DENND3: variants seen among roughly 807,000 people sequenced by gnomAD.
The protein encoded by DENND3 is DENN domain containing 3.
A neutral mutation model predicts 135.1 loss-of-function variants in DENND3; 88 were observed. That is an observed-to-expected ratio of 0.65 (90% CI 0.55 to 0.78). DENND3 has a LOEUF of 0.78. Among genes scored for constraint, DENND3 ranks in the 30% least tolerant of loss-of-function variants. The probability of loss-of-function intolerance (pLI) is 0.00; values close to 1 mark genes in which losing one functional copy is unlikely to be tolerated. For missense variants in DENND3, 1,392 were observed against 1,688.4 expected (o/e 0.82, Z 3.08); for synonymous variants, 693 against 712.3 (o/e 0.97, Z 0.43).
rs927595180 is a variant in DENND3 at position 141,167,928 on chromosome 8, A to G, written c.1754-76A>G. The stretch of plus-strand genomic sequence containing the variant: ...CATCCAGAGAAACATTGTCCTTGAC[A>G]AGATGATGTGACAGGGACACGTGTT... On this transcript the variant is annotated intron_variant, in intron 12 of 22. Transcript: ENST00000519811. This position sits in a 1 kb window ranked among gnomAD's most constrained non-coding sequence, Gnocchi z 4.1. 6 of 1,524,346 alleles carry G rather than the reference A, an allele frequency of 3.9e-6. No individual in the cohort carries two copies. In the African/African-American group the frequency reaches 8.3e-5, roughly 21 times the overall value. 94.4% of individuals were successfully genotyped at this position (1,524,346 alleles called of 1,614,324 possible).
In DENND3 at chr8:141,135,989, G is replaced by T. The variant is rs1326185897; in HGVS notation, c.103-520G>T. On this transcript the variant is annotated intron_variant, in intron 1 of 22. Coordinates refer to ENST00000519811, the MANE Select transcript of DENND3 (RefSeq NM_001352890.3). Reference sequence around the variant, plus strand: ...GTGGGGGTGTGGAGGGCGTGGCCCTGGTAAATGTGTATGTGTGGGGTTTGA... The same window carrying T: ...GTGGGGGTGTGGAGGGCGTGGCCCTTGTAAATGTGTATGTGTGGGGTTTGA... Among the ~76,000 whole-genome samples, 4 of 152,202 alleles carry T rather than the reference G, an allele frequency of 2.6e-5. No individual in the cohort carries two copies. The East Asian group carries it at 7.7e-4, about 29-fold the overall frequency.
Position 141,151,738 on chromosome 8 carries a change from C to G in DENND3, c.975C>G (p.Pro325=), listed in dbSNP as rs770972671. Reference sequence around the variant, plus strand: ...TGTATCCGCTGCAGTGGCAGCACCCCTTCGTGCCCATCCTGTCGGACCAGA... The same window carrying G: ...TGTATCCGCTGCAGTGGCAGCACCCGTTCGTGCCCATCCTGTCGGACCAGA... ...AYLYPLQWQH[P]FVPILSDQML... is the part of the protein sequence containing the mutation. The change falls in exon 7 of 23, where the codon CCC becomes CCG. Residue 325 remains proline, a synonymous_variant. Transcript: ENST00000519811. The G allele has an allele frequency of 6.2e-7, 1 of 1,614,212 alleles. No homozygotes were observed. Among genetic ancestry groups the G allele is most frequent in the Non-Finnish European group, 8.5e-7 (1 of 1,180,028 alleles).
At chr8:141,185,400 A>C in intron 18 of DENND3, 122 bp downstream of exon 18, 1 of 1,319,924 alleles carries the variant, frequency 7.6e-7, no homozygotes, top group Non-Finnish European at 1.0e-6. Context: ...CGGTTTCTGT[A>C]AACAGGGGGT....
intron 11 of DENND3, among the ~76,000 whole-genome samples, chr8:141,165,725 A>G (rs1820705282): frequency 6.6e-6 from 1 of 152,086 alleles, no homozygotes; most frequent in South Asian, 2.1e-4. Context: ...CAGCCTCCCA[A>G]AGTGCTGGGA....
intron 1 of DENND3, among the ~76,000 whole-genome samples, chr8:141,132,925 C>T (rs533098981): frequency 3.9e-5 from 6 of 152,306 alleles, no homozygotes; most frequent in South Asian, 2.1e-4. Context: ...GGAACGATAT[C>T]GCCTCAGTCA....
chr8:141,159,333 G>A (rs1009038783), intron 8 of DENND3, among the ~76,000 whole-genome samples: 3 of 152,122 alleles, frequency 2.0e-5, no homozygotes, highest in Non-Finnish European at 4.4e-5. Context: ...ATTGGCTCCT[G>A]CCGGCCATGC....
intron 4 of DENND3, chr8:141,142,148 T>A (rs1817540251): frequency 5.9e-6 from 2 of 338,632 alleles, no homozygotes; most frequent in South Asian, 2.2e-5. Context: ...TAGAACCCAG[T>A]GGGCTCTCAT....
intron 8 of DENND3, among the ~76,000 whole-genome samples, chr8:141,156,760 G>A (rs1290519691): frequency 1.3e-5 from 2 of 148,194 alleles, no homozygotes; most frequent in African/African-American, 5.0e-5. Flanking sequence ...TCCCGCCACT[G>A]TATTGGCACT....
At chr8:141,172,024 CTG>C (rs1288710094) in intron 13 of DENND3, among the ~76,000 whole-genome samples, 9 of 144,578 alleles carry the variant, frequency 6.2e-5, no homozygotes, top group Admixed American at 3.5e-4. Context: ...ATATCGGTGT[CTG>C]TGGGTGTGCA....
At chr8:141,164,649 CGGGGTATTCAGCAA>C (rs1820543438) in intron 10 of DENND3, among the ~76,000 whole-genome samples, 1 of 152,158 alleles carries the variant, frequency 6.6e-6, no homozygotes, top group South Asian at 2.1e-4. Flanking sequence ...GACTGGGCAG[CGGGGTATTCAGCAA>C]AGGCTTAGGG....
rs1216830668 is a variant in DENND3 at position 141,146,269 on chromosome 8, T to C, written c.735+2010T>C. On this transcript the variant is annotated intron_variant, in intron 5 of 22. Coordinates refer to ENST00000519811, the MANE Select transcript of DENND3 (RefSeq NM_001352890.3). This position sits in a 1 kb window ranked among gnomAD's most constrained non-coding sequence, Gnocchi z 4.3. ...GTGTTACTTAATGAACAGGCAAACATTTCCCAGGCTGGTTTTTTTTCTGAG... is the reference window on the plus strand; with the variant it reads ...GTGTTACTTAATGAACAGGCAAACACTTCCCAGGCTGGTTTTTTTTCTGAG... Among the ~76,000 whole-genome samples the C allele has an allele frequency of 6.6e-6, 1 of 152,230 alleles. No homozygotes were observed. The highest frequency in any genetic ancestry group is 1.5e-5 in the Non-Finnish European group (1 of 68,046).
In DENND3 at chr8:141,174,978, C is replaced by T. The variant is rs554060152; in HGVS notation, c.2276-222C>T. On this transcript the variant is annotated intron_variant, in intron 13 of 22. Transcript: ENST00000519811. This position sits in a 1 kb window ranked among gnomAD's most constrained non-coding sequence, Gnocchi z 4.6. ...GGGCGGCTGGAAAGGGCTGCGGGCT[C>T]AGCCTAGATCGTGTGCCCCTCCCTT... Among the ~76,000 whole-genome samples the T allele has an allele frequency of 5.9e-5, 9 of 152,338 alleles. No homozygotes were observed. The highest frequency in any genetic ancestry group is 1.0e-4 in the Non-Finnish European group (7 of 68,020).
chr8:141,184,827 G>A (rs1013933963), intron 17 of DENND3: 1 of 240,848 alleles, frequency 4.2e-6, no homozygotes, highest in Non-Finnish European at 8.1e-6. Context: ...CCTCTGCCTG[G>A]CTGTTTCCTC....
Position 141,175,622 on chromosome 8 carries a change from G to C in DENND3, c.2535+163G>C. 9.8e-7 allele frequency: 1 copy of C among 1,018,176 alleles called. No individual in the cohort carries two copies. The allele number at this position is 1,018,176 out of a possible 1,614,324, so 63.1% of individuals were successfully genotyped here. ...CTCAGTTTGCTCATCTGTAAAGTAG[G>C]AATAAGGCTGATACCTTCTCAGTGG... On this transcript the variant is annotated intron_variant, in intron 14 of 22. Transcript: ENST00000519811. The surrounding 1 kb of genome is among the most constrained non-coding windows in gnomAD (Gnocchi z 5.4).
chr8:141,157,159 C>G (rs746830144), intron 8 of DENND3, among the ~76,000 whole-genome samples: 2 of 152,162 alleles, frequency 1.3e-5, no homozygotes, highest in Non-Finnish European at 2.9e-5. Flanking sequence ...TGGCTTAGAT[C>G]AGGCGTCAGC....
rs74333328 is a variant in DENND3 at position 141,175,867 on chromosome 8, C to T, written c.2535+408C>T. On this transcript the variant is annotated intron_variant, in intron 14 of 22. Coordinates refer to ENST00000519811, the MANE Select transcript of DENND3 (RefSeq NM_001352890.3). The surrounding 1 kb of genome is among the most constrained non-coding windows in gnomAD (Gnocchi z 5.4). Reference sequence around the variant, plus strand: ...GTAGCTCACATTTTCTAGTCACAGTCGGACCTGGTTCATATAAAACATAAC... The same window carrying T: ...GTAGCTCACATTTTCTAGTCACAGTTGGACCTGGTTCATATAAAACATAAC... The T allele has an allele frequency of 6.7e-3, 1,755 of 260,826 alleles. 32 individuals are homozygous for T. Among genetic ancestry groups the T allele is most frequent in the African/African-American group, 0.036 (1,640 of 44,996 alleles). The allele number at this position is 260,826 out of a possible 1,614,324, so 16.2% of individuals were successfully genotyped here.
chr8:141,187,592 A>G (rs1824064114), intron 18 of DENND3, among the ~76,000 whole-genome samples: 1 of 152,182 alleles, frequency 6.6e-6, no homozygotes, highest in Non-Finnish European at 1.5e-5. Flanking sequence ...GTGGCACAGT[A>G]TGTGCTTGCA....
rs1322320379 is a variant in DENND3 at position 141,174,044 on chromosome 8, C to T, written c.2276-1156C>T. On this transcript the variant is annotated intron_variant, in intron 13 of 22. Transcript: ENST00000519811. The surrounding 1 kb of genome is among the most constrained non-coding windows in gnomAD (Gnocchi z 4.6). ...TCTCTGCCTTATCGGGGAAGGCGTG[C>T]GTGGGCATGCCTACCTGGGTGTTGA... Among the ~76,000 whole-genome samples the T allele has an allele frequency of 1.3e-5, 2 of 152,118 alleles. No homozygotes were observed. The highest frequency in any genetic ancestry group is 2.9e-5 in the Non-Finnish European group (2 of 68,036).
intron 17 of DENND3, among the ~76,000 whole-genome samples, chr8:141,183,723 A>G (rs1424872508): frequency 1.4e-5 from 2 of 147,974 alleles, no homozygotes; most frequent in African/African-American, 5.1e-5. Context: ...TGACACTGTC[A>G]GTTTTTTGTT....
Sources: allele counts gnomAD v4.1 joint callset (sites outside exome capture counted in the v4.1 genomes callset), GRCh38; gene constraint gnomAD v4.1.1; non-coding constraint Gnocchi (gnomAD v3.1); transcripts MANE v1.5; gene names NCBI Gene and HGNC (gene_info 2026-07-23, HGNC 2026-07-21).